HACD3: variants seen among roughly 807,000 people sequenced by gnomAD.
HACD3 encodes 3-hydroxyacyl-CoA dehydratase 3, also known as very-long-chain (3R)-3-hydroxyacyl-CoA dehydratase 3.
In HACD3, 30 loss-of-function variants were observed where a neutral mutation model predicts 55.2. That is an observed-to-expected ratio of 0.54 (90% CI 0.41 to 0.74). The LOEUF (loss-of-function observed/expected upper bound fraction) is 0.74, where lower values mean the gene tolerates loss of function less well. Among genes scored for constraint, HACD3 ranks in the 30% least tolerant of loss-of-function variants. The pLI, the probability that HACD3 is intolerant of heterozygous loss-of-function variation, is 0.00. For synonymous variants in HACD3, 141 were observed against 151.7 expected, an observed-to-expected ratio of 0.93 and a Z score of 0.52; for missense variants, 363 against 440.1, an observed-to-expected ratio of 0.82 and a Z score of 1.57.
At position 65,530,482 on chromosome 15, in the gene HACD3, C is replaced by T. The variant is rs541189101; in HGVS notation, c.-150C>T. The T allele has an allele frequency of 3.2e-6, 2 of 622,912 alleles. No homozygotes were observed. Among genetic ancestry groups the T allele is most frequent in the South Asian group, 3.0e-5 (1 of 33,404 alleles). 38.6% of individuals were successfully genotyped at this position (622,912 alleles called of 1,614,324 possible). A position where few individuals can be genotyped will look rare whatever the true frequency, so the allele number is the denominator to read the frequency against. ...CGGCGCGTCACTGCGCAGGCGCGGCCCGCGAGCGTGGGGTATCTCGAGGTG... is the reference window on the plus strand; with the variant it reads ...CGGCGCGTCACTGCGCAGGCGCGGCTCGCGAGCGTGGGGTATCTCGAGGTG... On this transcript the variant is annotated 5_prime_UTR_variant, in exon 1 of 11. Transcript: ENST00000261875.
Position 65,556,912 on chromosome 15 carries a change from G to A in HACD3, c.369+9G>A, listed in dbSNP as rs1596212873. On this transcript the variant is annotated intron_variant, in intron 4 of 10. Transcript: ENST00000261875. ...TGGAGCTCAGAGCTAAGGTTAGTAA[G>A]GATCCTAGGATCTAGCCATTGAGGA... 1.2e-6 allele frequency: 2 copies of A among 1,605,206 alleles called. No individual in the cohort carries two copies. Among genetic ancestry groups the A allele is most frequent in the Middle Eastern group, 1.7e-4 (1 of 6,046 alleles).
At chr15:65,569,990 A>G in intron 7 of HACD3, 101 bp from the exon 8 acceptor site, 1 of 738,542 alleles carries the variant, frequency 1.4e-6, no homozygotes, top group South Asian at 2.0e-5. Context: ...AATCTTTTCT[A>G]TTTGCCTTGC....
intron 10 of HACD3, among the ~76,000 whole-genome samples, chr15:65,572,713 G>A (rs1247075544): frequency 6.6e-6 from 1 of 151,660 alleles, no homozygotes; most frequent in Non-Finnish European, 1.5e-5. Flanking sequence ...TCAGGAGTTC[G>A]AGACCAGCCT....
At position 65,549,599 on chromosome 15, in the gene HACD3, CAAAAAAAAAAA is replaced by C. The variant is rs5813363; in HGVS notation, c.88-2066_88-2056del. ...TGGGTGACAAAGCGAGATTCCATCT[CAAAAAAAAAAA>C]AAAAAAAAAAGATCAAAGCCCAAGA... On this transcript the variant is annotated intron_variant, in intron 1 of 10. Transcript: ENST00000261875. 1.6e-4 allele frequency among the ~76,000 whole-genome samples: 7 copies of C among 42,500 alleles called. No individual in the cohort carries two copies. In the East Asian group the frequency reaches 3.1e-3, roughly 19 times the overall value. 27.9% of individuals were successfully genotyped at this position (42,500 alleles called of 152,430 possible).
chr15:65,565,767 C>A (rs1161078929), intron 7 of HACD3: 1 of 152,224 alleles, frequency 6.6e-6, no homozygotes, highest in Non-Finnish European at 1.5e-5. Flanking sequence ...TTACGTTAGG[C>A]TCCTTGCTAC....
At chr15:65,534,662 G>A (rs538361647) in intron 1 of HACD3, among the ~76,000 whole-genome samples, 2 of 152,288 alleles carry the variant, frequency 1.3e-5, no homozygotes, top group South Asian at 4.1e-4. Flanking sequence ...ACAGAGTCTG[G>A]TGGAAAGAGT....
intron 1 of HACD3, among the ~76,000 whole-genome samples, chr15:65,546,512 G>GCT (rs1208468474): frequency 6.6e-6 from 1 of 152,102 alleles, no homozygotes; most frequent in African/African-American, 2.4e-5. Flanking sequence ...TAGAATGGAG[G>GCT]CTACCCCCAC....
chr15:65,540,717 T>C (rs2072011957), intron 1 of HACD3, among the ~76,000 whole-genome samples: 1 of 152,174 alleles, frequency 6.6e-6, no homozygotes, highest in Non-Finnish European at 1.5e-5. Flanking sequence ...TTGGGTTTTA[T>C]TGTAAGAGCA....
At chr15:65,564,745 G>A (rs1043039718) in intron 7 of HACD3, 2 of 171,422 alleles carry the variant, frequency 1.2e-5, no homozygotes, top group African/African-American at 2.4e-5. Flanking sequence ...AAATTTGAAT[G>A]GGGACACAGC....
intron 4 of HACD3, 78 bp downstream of exon 4, chr15:65,556,981 T>C (rs2072198278): frequency 7.4e-7 from 1 of 1,347,854 alleles, no homozygotes; most frequent in Admixed American, 2.5e-5. Flanking sequence ...TTCAGATACC[T>C]CTCGGTCTGA....
intron 7 of HACD3, among the ~76,000 whole-genome samples, chr15:65,567,788 A>G (rs1206648927): frequency 1.3e-5 from 2 of 152,210 alleles, no homozygotes; most frequent in Admixed American, 6.5e-5. Context: ...GAAATAAGCC[A>G]GTCACAGAAA....
At chr15:65,532,500 G>A (rs191962776) in intron 1 of HACD3, among the ~76,000 whole-genome samples, 15 of 152,070 alleles carry the variant, frequency 9.9e-5, no homozygotes, top group East Asian at 3.9e-4. Flanking sequence ...TGGTGCATGC[G>A]TGTAATTCAC....
chr15:65,533,633 C>CT (rs1478100848), intron 1 of HACD3, among the ~76,000 whole-genome samples: 9 of 149,516 alleles, frequency 6.0e-5, no homozygotes, highest in Non-Finnish European at 1.0e-4. Flanking sequence ...GCTGTGAGTG[C>CT]TATGCCTGCT....
At position 65,558,660 on chromosome 15, in the gene HACD3, A is replaced by G; in HGVS notation, c.370-20A>G. ...GGAATTCTAACTTGTGTTCTTGGAA[A>G]ACTTTTGTCTAAATTCTAGGAAGAA... On this transcript the variant is annotated intron_variant, in intron 4 of 10. Coordinates refer to ENST00000261875, the MANE Select transcript of HACD3 (RefSeq NM_016395.4). 1 of 1,582,874 alleles carries G rather than the reference A, an allele frequency of 6.3e-7. No individual in the cohort carries two copies. Among genetic ancestry groups the G allele is most frequent in the Non-Finnish European group, 8.6e-7 (1 of 1,163,686 alleles).
At chr15:65,571,487 T>C (rs2072347052) in intron 8 of HACD3, 61 bp from the exon 9 acceptor site, 2 of 1,174,816 alleles carry the variant, frequency 1.7e-6, no homozygotes, top group Middle Eastern at 1.9e-4. Flanking sequence ...TAAATGATAT[T>C]CTAAGGTTGC....
At chr15:65,550,443 C>T (rs1184850402) in intron 1 of HACD3, among the ~76,000 whole-genome samples, 1 of 152,042 alleles carries the variant, frequency 6.6e-6, no homozygotes, top group Non-Finnish European at 1.5e-5. Context: ...GAAATAAAGA[C>T]AGTTTCTATA....
At chr15:65,535,144 G>T (rs975282224) in intron 1 of HACD3, among the ~76,000 whole-genome samples, 1 of 152,084 alleles carries the variant, frequency 6.6e-6, no homozygotes, top group African/African-American at 2.4e-5. Flanking sequence ...AACGCATAAA[G>T]AAAAACTACT....
At chr15:65,558,422 G>A (rs564454815) in intron 4 of HACD3, among the ~76,000 whole-genome samples, 1 of 152,292 alleles carries the variant, frequency 6.6e-6, no homozygotes, top group African/African-American at 2.4e-5. Context: ...AAGATTCCAA[G>A]GTCACTTGTC....
intron 1 of HACD3, chr15:65,534,435 G>A (rs761228770): frequency 6.6e-6 from 1 of 152,238 alleles, no homozygotes; most frequent in Middle Eastern, 3.2e-3. Flanking sequence ...TGTGCTTGAG[G>A]TGAACGGTAG....
Sources: allele counts gnomAD v4.1 joint callset (sites outside exome capture counted in the v4.1 genomes callset), GRCh38; gene constraint gnomAD v4.1.1; transcripts MANE v1.5; gene names NCBI Gene and HGNC (gene_info 2026-07-23, HGNC 2026-07-21).